SIPA1L2: variants seen among roughly 807,000 people sequenced by gnomAD.
The protein encoded by SIPA1L2 is signal-induced proliferation-associated 1-like protein 2.
SIPA1L2 carries 56 observed loss-of-function variants against 163.9 expected under a neutral mutation model. The ratio of observed to expected loss-of-function variants is 0.34; its 90% CI spans 0.28 to 0.43. The LOEUF (loss-of-function observed/expected upper bound fraction) is 0.43. Ranked by LOEUF, SIPA1L2 falls within the 20% of genes least tolerant of loss-of-function variation. The pLI is 1.00. For missense variants in SIPA1L2, 1,974 were observed against 2,193.5 expected, an observed-to-expected ratio of 0.90 and a Z score of 2.00; for synonymous variants, 877 against 865.7, an observed-to-expected ratio of 1.01 and a Z score of -0.23.
chr1:232,547,371 A>G (rs1414748120), intron 2 of SIPA1L2, among the ~76,000 whole-genome samples: 1 of 151,378 alleles, frequency 6.6e-6, no homozygotes, highest in Non-Finnish European at 1.5e-5. Flanking sequence ...TCACAAGATG[A>G]AATCATCCTT....
intron 5 of SIPA1L2, among the ~76,000 whole-genome samples, chr1:232,488,794 G>A (rs1218634283): frequency 2.0e-5 from 3 of 152,282 alleles, no homozygotes; most frequent in South Asian, 4.1e-4. Flanking sequence ...TGACTACAAA[G>A]ACATTCGAAA....
At chr1:232,628,105 T>C (rs1305083326) in intron 1 of SIPA1L2, among the ~76,000 whole-genome samples, 1 of 152,254 alleles carries the variant, frequency 6.6e-6, no homozygotes, top group Non-Finnish European at 1.5e-5. Flanking sequence ...GCCGTGATCT[T>C]GCTTTAGAAT....
chr1:232,563,944 G>GT (rs1264800808), intron 2 of SIPA1L2, among the ~76,000 whole-genome samples: 174 of 99,968 alleles, frequency 1.7e-3, no homozygotes, highest in African/African-American at 5.1e-3. Flanking sequence ...ACAAAGGTTT[G>GT]TTTTTTTTTT....
intron 2 of SIPA1L2, among the ~76,000 whole-genome samples, chr1:232,553,296 G>T (rs1424231632): frequency 1.3e-5 from 2 of 152,132 alleles, no homozygotes; most frequent in Non-Finnish European, 2.9e-5. Flanking sequence ...CTTCTCTGCT[G>T]CACTGTTCTG....
chr1:232,509,816 G>A (rs1666896841), intron 3 of SIPA1L2, among the ~76,000 whole-genome samples: 1 of 152,212 alleles, frequency 6.6e-6, no homozygotes, highest in South Asian at 2.1e-4. Flanking sequence ...CACAGGGGAA[G>A]AGCTAAATAT....
At chr1:232,497,390 G>C (rs1221087914) in intron 3 of SIPA1L2, among the ~76,000 whole-genome samples, 1 of 141,828 alleles carries the variant, frequency 7.1e-6, no homozygotes, top group East Asian at 2.0e-4. Context: ...CTTGCAAATG[G>C]ACCGGGGCCT....
At position 232,514,603 on chromosome 1, in the gene SIPA1L2, G is replaced by T. The variant is rs756809586; in HGVS notation, c.737C>A (p.Ala246Glu). 12 of 1,614,092 alleles carry T rather than the reference G, an allele frequency of 7.4e-6. No homozygotes were observed. The highest frequency in any genetic ancestry group is 1.1e-5 in the South Asian group (1 of 91,090). ...TTCTCCCCTAGAAATCTGTGCTGCTGCATGAAGGCTCGGAGAGATTGCAGG... is the reference window on the plus strand; with the variant it reads ...TTCTCCCCTAGAAATCTGTGCTGCTTCATGAAGGCTCGGAGAGATTGCAGG... ...CDPAISPSLH[A>E]AAQISRGEFV... is the part of the protein sequence containing the mutation. The change falls in exon 3 of 23, where the codon GCA becomes GAA. Residue 246 changes from alanine (A) to glutamate (E), a missense_variant. Physicochemically the swap from Ala to Glu is moderately radical, Grantham distance 107. Around this residue, in one of 3 missense-constraint regions of SIPA1L2, gnomAD observed 607 missense variants for 624.0 expected, o/e 0.97. Transcript: ENST00000674635.
chr1:232,557,227 T>C (rs781259291), intron 2 of SIPA1L2, among the ~76,000 whole-genome samples: 1 of 152,154 alleles, frequency 6.6e-6, no homozygotes, highest in Non-Finnish European at 1.5e-5. Context: ...TAACATACAG[T>C]GAACGCCTGC....
chr1:232,468,745 C>A (rs958946901), intron 8 of SIPA1L2, among the ~76,000 whole-genome samples: 1 of 152,154 alleles, frequency 6.6e-6, no homozygotes, highest in African/African-American at 2.4e-5. Flanking sequence ...TTTTAATTCA[C>A]TCTTAGCTAC....
At chr1:232,460,632 C>G (rs1008152867) in intron 10 of SIPA1L2, among the ~76,000 whole-genome samples, 1 of 152,084 alleles carries the variant, frequency 6.6e-6, no homozygotes, top group Admixed American at 6.5e-5. Flanking sequence ...AATAGCTCAG[C>G]TTTAATGTAG....
At position 232,465,494 on chromosome 1, in the gene SIPA1L2, A is replaced by G; in HGVS notation, c.2244-78T>C. The stretch of plus-strand genomic sequence containing the variant: ...GTATCTTTCCGAATTTGACATATAT[A>G]TACACACACACACACATATACATAC... On this transcript the variant is annotated intron_variant, in intron 8 of 22. Transcript: ENST00000674635. The surrounding 1 kb of genome is among the most constrained non-coding windows in gnomAD (Gnocchi z 4.1). 1.8e-6 allele frequency: 2 copies of G among 1,115,508 alleles called. No homozygotes were observed. Among genetic ancestry groups the G allele is most frequent in the East Asian group, 2.4e-5 (1 of 41,928 alleles). The allele number at this position is 1,115,508 out of a possible 1,614,324, so 69.1% of individuals were successfully genotyped here.
intron 11 of SIPA1L2, among the ~76,000 whole-genome samples, chr1:232,444,452 C>T (rs964719647): frequency 3.3e-5 from 5 of 152,098 alleles, no homozygotes; most frequent in East Asian, 3.9e-4. Context: ...TAAACTTAGC[C>T]GACTTTTGAG....
At chr1:232,450,556 C>T (rs1220464542) in intron 10 of SIPA1L2, among the ~76,000 whole-genome samples, 1 of 152,218 alleles carries the variant, frequency 6.6e-6, no homozygotes, top group Admixed American at 6.5e-5. Flanking sequence ...GAGTAGTGCA[C>T]ATCAGGAACT....
intron 19 of SIPA1L2, among the ~76,000 whole-genome samples, chr1:232,409,975 T>G (rs1259555158): frequency 6.6e-6 from 1 of 152,202 alleles, no homozygotes; most frequent in Non-Finnish European, 1.5e-5. Context: ...CTTTACCTAT[T>G]TTATAATCTC....
intron 2 of SIPA1L2, among the ~76,000 whole-genome samples, chr1:232,521,705 A>T (rs1667467008): frequency 6.6e-6 from 1 of 152,164 alleles, no homozygotes; most frequent in Non-Finnish European, 1.5e-5. Context: ...ACATGCTTGG[A>T]GCACACTGAT....
At chr1:232,410,480 T>C (rs1660884760) in intron 19 of SIPA1L2, among the ~76,000 whole-genome samples, 1 of 152,082 alleles carries the variant, frequency 6.6e-6, no homozygotes, top group South Asian at 2.1e-4. Context: ...TAATTATCTT[T>C]CCTGTGTGTA....
chr1:232,419,340 A>G (rs1661435739), intron 18 of SIPA1L2, among the ~76,000 whole-genome samples: 1 of 152,248 alleles, frequency 6.6e-6, no homozygotes, highest in Non-Finnish European at 1.5e-5. Flanking sequence ...ATTGATTAGA[A>G]TATCATGTAA....
intron 2 of SIPA1L2, among the ~76,000 whole-genome samples, chr1:232,557,326 C>T (rs1324938356): frequency 6.6e-6 from 1 of 152,156 alleles, no homozygotes; most frequent in Non-Finnish European, 1.5e-5. Context: ...TAAGCCATAA[C>T]GGACTCTTGA....
At chr1:232,445,451 A>T in intron 11 of SIPA1L2, 78 bp downstream of exon 11, 1 of 1,591,194 alleles carries the variant, frequency 6.3e-7, no homozygotes, top group Admixed American at 1.7e-5. Context: ...GTGATTAAGC[A>T]AAACCCTCCC....
Sources: allele counts gnomAD v4.1 joint callset (sites outside exome capture counted in the v4.1 genomes callset), GRCh38; gene constraint gnomAD v4.1.1; regional missense constraint gnomAD v4.1.1; non-coding constraint Gnocchi (gnomAD v3.1); transcripts MANE v1.5; gene names NCBI Gene and HGNC (gene_info 2026-07-23, HGNC 2026-07-21).